The following SART1 variants were observed in gnomAD, a reference collection of about 807,000 sequenced individuals.
The protein encoded by SART1 is U4/U6.U5 tri-snRNP-associated protein 1.
A neutral mutation model predicts 105.0 loss-of-function variants in SART1; 28 were observed. The observed-to-expected ratio is 0.27, with a 90% CI of 0.20 to 0.37. The LOEUF (loss-of-function observed/expected upper bound fraction) is 0.37, where lower values mean the gene tolerates loss of function less well. Among genes scored for constraint, SART1 ranks in the 10% least tolerant of loss-of-function variants. The pLI is 1.00. For missense variants in SART1, 894 were observed against 1,106.5 expected (o/e 0.81, Z 2.72); for synonymous variants, 472 against 462.9 (o/e 1.02, Z -0.25).
rs375550218 is a variant in SART1 at position 65,976,588 on chromosome 11, G to A, written c.1746+20G>A. On this transcript the variant is annotated intron_variant, in intron 13 of 19. Transcript: ENST00000312397. This position sits in a 1 kb window ranked among gnomAD's most constrained non-coding sequence, Gnocchi z 5.1. Reference sequence around the variant, plus strand: ...CTCATGGTGCGTCTGGGGCGGCCCCGCCCTCTGCTTCCCTCGGCTGGGTGG... The same window carrying A: ...CTCATGGTGCGTCTGGGGCGGCCCCACCCTCTGCTTCCCTCGGCTGGGTGG... The A allele has an allele frequency of 4.5e-5, 73 of 1,613,418 alleles. No homozygotes were observed. The African/African-American group carries it at 8.3e-4, about 18-fold the overall frequency.
chr11:65,969,977 C>T (rs1277741949), intron 12 of SART1, among the ~76,000 whole-genome samples: 1 of 152,144 alleles, frequency 6.6e-6, no homozygotes, highest in Non-Finnish European at 1.5e-5. Context: ...CCTCCTCAGC[C>T]TCCCAAAGTG....
intron 12 of SART1, among the ~76,000 whole-genome samples, chr11:65,968,626 A>G (rs1237483866): frequency 6.6e-6 from 1 of 152,194 alleles, no homozygotes; most frequent in African/African-American, 2.4e-5. Context: ...AGTCACACAG[A>G]GGAGCCAGCC....
Position 65,976,940 on chromosome 11 carries a change from C to T in SART1, c.1858-74C>T. On this transcript the variant is annotated intron_variant, in intron 14 of 19. Transcript: ENST00000312397. This position sits in a 1 kb window ranked among gnomAD's most constrained non-coding sequence, Gnocchi z 5.1. ...AATGTTGTGGAGGGCTGGTGCCTGG[C>T]AGGTGGTGACCAGTGGGTGGGGCTG... 1 of 1,295,710 alleles carries T rather than the reference C, an allele frequency of 7.7e-7. No individual in the cohort carries two copies. Among genetic ancestry groups the T allele is most frequent in the Non-Finnish European group, 1.1e-6 (1 of 893,972 alleles). The allele number at this position is 1,295,710 out of a possible 1,614,324, so 80.3% of individuals were successfully genotyped here.
In SART1 at chr11:65,963,856, C is replaced by T. The variant is rs1026766125; in HGVS notation, c.314-218C>T. 5.2e-5 allele frequency: 31 copies of T among 597,712 alleles called. No individual in the cohort carries two copies. In the African/African-American group the frequency reaches 5.6e-4, roughly 11 times the overall value. 37.0% of individuals were successfully genotyped at this position (597,712 alleles called of 1,614,324 possible). A position where few individuals can be genotyped will look rare whatever the true frequency, so the allele number is the denominator to read the frequency against. On this transcript the variant is annotated intron_variant, in intron 1 of 19. Transcript: ENST00000312397. Reference sequence around the variant, plus strand: ...CTACAGCAGTTTGGATGTCTTGGGTCAGGAAAGGAAGGTGCACAGAAGAGG... The same window carrying T: ...CTACAGCAGTTTGGATGTCTTGGGTTAGGAAAGGAAGGTGCACAGAAGAGG...
Position 65,966,191 on chromosome 11 carries a change from G to T in SART1, c.954G>T (p.Glu318Asp). 1 of 1,614,050 alleles carries T rather than the reference G, an allele frequency of 6.2e-7. No homozygotes were observed. The highest frequency in any genetic ancestry group is 1.1e-5 in the South Asian group (1 of 91,088). Residue 318 changes from glutamate to aspartate, a missense_variant, in exon 8 of 20, where the codon GAG becomes GAT. By Grantham distance (45) the Glu-to-Asp change is conservative. Coordinates refer to ENST00000312397, the MANE Select transcript of SART1 (RefSeq NM_005146.5). ...KKKPDYLPYAEDESVDDLAQQ... is the reference protein window; with the variant it reads ...KKKPDYLPYADDESVDDLAQQ... ...AGCCTGACTACCTGCCCTATGCCGA[G>T]GACGAGAGCGTGGACGACCTGGCGC...
At chr11:65,977,201 T>A in intron 15 of SART1, 100 bp downstream of exon 15, 2 of 841,790 alleles carry the variant, frequency 2.4e-6, no homozygotes, top group East Asian at 5.2e-5. Flanking sequence ...TTTCTCTCAG[T>A]CCCAATGCTG....
chr11:65,979,140 G>A lies in SART1; in HGVS notation c.*110G>A. 1 of 1,423,648 alleles carries A rather than the reference G, an allele frequency of 7.0e-7. No individual in the cohort carries two copies. Among genetic ancestry groups the A allele is most frequent in the Non-Finnish European group, 9.7e-7 (1 of 1,026,990 alleles). 88.2% of individuals were successfully genotyped at this position (1,423,648 alleles called of 1,614,324 possible). A position where few individuals can be genotyped will look rare whatever the true frequency, so the allele number is the denominator to read the frequency against. ...GATTCCAGGGTTGGATCTTTGGTTG[G>A]GTGTGGCACAGAGTCTGGCTCCTGC... On this transcript the variant is annotated 3_prime_UTR_variant, in exon 20 of 20. Transcript: ENST00000312397.
chr11:65,974,250 T>C (rs1186096920), intron 12 of SART1, among the ~76,000 whole-genome samples: 2 of 147,414 alleles, frequency 1.4e-5, no homozygotes, highest in Non-Finnish European at 3.0e-5. Context: ...GGTGCATGCC[T>C]GTAATCCCAG....
In SART1 at chr11:65,977,875, G is replaced by C; in HGVS notation, c.2148G>C (p.Thr716=). 1 of 1,612,898 alleles carries C rather than the reference G, an allele frequency of 6.2e-7. No homozygotes were observed. The highest frequency in any genetic ancestry group is 8.5e-7 in the Non-Finnish European group (1 of 1,179,610). The change falls in exon 17 of 20, where the codon ACG becomes ACC. Residue 716 remains threonine, a synonymous_variant. Coordinates refer to ENST00000312397, the MANE Select transcript of SART1 (RefSeq NM_005146.5). Reference sequence around the variant, plus strand: ...TTAAGATCGAATACGTGGATGAGACGGGCCGGAAACTCACACCCAAGGAGG... The same window carrying C: ...TTAAGATCGAATACGTGGATGAGACCGGCCGGAAACTCACACCCAAGGAGG... ...PDVKIEYVDE[T]GRKLTPKEAF...
In SART1 at chr11:65,965,868, T is replaced by A. The variant is rs561818933; in HGVS notation, c.739-19T>A. 8.7e-6 allele frequency: 14 copies of A among 1,613,972 alleles called. No individual in the cohort carries two copies. In the Admixed American group the frequency reaches 2.3e-4, roughly 27 times the overall value. On this transcript the variant is annotated intron_variant, in intron 6 of 19. Coordinates refer to ENST00000312397, the MANE Select transcript of SART1 (RefSeq NM_005146.5). ...GGGTGCGTGGAGGGAGGTTCCTGAC[T>A]CGCCGATTCTTCCCTTAGGACCTGT...
At chr11:65,964,386 G>T in intron 2 of SART1, 129 bp from the exon 3 acceptor site, 1 of 1,145,598 alleles carries the variant, frequency 8.7e-7, no homozygotes, top group Non-Finnish European at 1.3e-6. Context: ...CAGTGTCCTA[G>T]GCTGCCTGGG....
intron 1 of SART1, 98 bp downstream of exon 1, chr11:65,962,191 A>G (rs1380971983): frequency 5.4e-6 from 5 of 918,500 alleles, no homozygotes; most frequent in African/African-American, 5.3e-5. Context: ...TCTTCAGGCC[A>G]GGAAACCCCC....
Position 65,976,838 on chromosome 11 carries a change from C to T in SART1, c.1857+72C>T, listed in dbSNP as rs1855491297. 4.5e-6 allele frequency: 6 copies of T among 1,340,590 alleles called. No homozygotes were observed. Among genetic ancestry groups the T allele is most frequent in the Non-Finnish European group, 6.2e-6 (6 of 961,874 alleles). The allele number at this position is 1,340,590 out of a possible 1,614,324, so 83.0% of individuals were successfully genotyped here. ...TGGAGATGAGCACCGGGCTCGGTGT[C>T]CAGAGCCTCAGCCTCCTCATCCAGA... is the stretch of plus-strand genomic sequence containing the variant. On this transcript the variant is annotated intron_variant, in intron 14 of 19. Coordinates refer to ENST00000312397, the MANE Select transcript of SART1 (RefSeq NM_005146.5). The surrounding 1 kb of genome is among the most constrained non-coding windows in gnomAD (Gnocchi z 5.1).
At chr11:65,975,291 CTG>C (rs1200259567) in intron 12 of SART1, among the ~76,000 whole-genome samples, 2 of 151,782 alleles carry the variant, frequency 1.3e-5, no homozygotes, top group East Asian at 1.9e-4. Flanking sequence ...TTTGTAGAGA[CTG>C]TGCTTCACCT....
chr11:65,974,036 G>C (rs578199352), intron 12 of SART1, among the ~76,000 whole-genome samples: 7 of 151,982 alleles, frequency 4.6e-5, no homozygotes, highest in East Asian at 3.9e-4. Flanking sequence ...CCAGGGAGAG[G>C]GACATGGGTG....
chr11:65,976,979 T>C lies in SART1; in HGVS notation c.1858-35T>C, dbSNP rs755553950. 6 of 1,547,962 alleles carry C rather than the reference T, an allele frequency of 3.9e-6. No individual in the cohort carries two copies. The highest frequency in any genetic ancestry group is 2.2e-5 in the South Asian group (2 of 89,734). On this transcript the variant is annotated intron_variant, in intron 14 of 19. Transcript: ENST00000312397. The surrounding 1 kb of genome is among the most constrained non-coding windows in gnomAD (Gnocchi z 5.1). ...TGGGTGGGGCTGAGAAGAGCCGGTA[T>C]GGCCTGCTAACCACCCCCGCCACGT...
chr11:65,969,240 C>T (rs1855323163), intron 12 of SART1, among the ~76,000 whole-genome samples: 1 of 152,080 alleles, frequency 6.6e-6, no homozygotes, highest in African/African-American at 2.4e-5. Context: ...GGAAAACAGC[C>T]AAGACAGTCT....
chr11:65,967,175 C>T, intron 9 of SART1, 84 bp from the exon 10 acceptor site: 1 of 1,562,074 alleles, frequency 6.4e-7, no homozygotes, highest in South Asian at 1.2e-5. Context: ...CAGAGGAACA[C>T]CAAAGAAGTG....
intron 3 of SART1, 142 bp downstream of exon 3, chr11:65,964,712 T>G: frequency 1.2e-6 from 1 of 819,138 alleles, no homozygotes; most frequent in Non-Finnish European, 1.9e-6. Flanking sequence ...AGGTCCCTCC[T>G]TGCTGGTATA....
Sources: allele counts gnomAD v4.1 joint callset (sites outside exome capture counted in the v4.1 genomes callset), GRCh38; gene constraint gnomAD v4.1.1; non-coding constraint Gnocchi (gnomAD v3.1); transcripts MANE v1.5; gene names NCBI Gene and HGNC (gene_info 2026-07-23, HGNC 2026-07-21).